FLT4: variants seen among roughly 807,000 people sequenced by gnomAD.
FLT4 encodes fms related receptor tyrosine kinase 4, also known as vascular endothelial growth factor receptor 3.
In FLT4, 30 loss-of-function variants were observed where a neutral mutation model predicts 163.2. The ratio of observed to expected loss-of-function variants is 0.18; its 90% CI spans 0.14 to 0.25. FLT4 has a LOEUF of 0.25. Ranked by LOEUF, FLT4 falls within the 10% of genes least tolerant of loss-of-function variation. The pLI, the probability that FLT4 is intolerant of heterozygous loss-of-function variation, is 1.00. For missense variants in FLT4, 1,510 were observed against 1,863.8 expected (o/e 0.81, Z 3.50); for synonymous variants, 884 against 789.5 (o/e 1.12, Z -2.01).
intron 1 of FLT4, among the ~76,000 whole-genome samples, chr5:180,634,185 TC>T (rs955755230): frequency 3.9e-5 from 6 of 152,148 alleles, no homozygotes; most frequent in African/African-American, 1.4e-4. Context: ...TCCTGGGACA[TC>T]CCTCCTTCCT....
Position 180,636,205 on chromosome 5 carries a change from T to C in FLT4, c.59-4427A>G, listed in dbSNP as rs948042523. Among the ~76,000 whole-genome samples the C allele has an allele frequency of 1.3e-5, 2 of 152,128 alleles. No individual in the cohort carries two copies. The highest frequency in any genetic ancestry group is 1.3e-4 in the Admixed American group (2 of 15,286). On this transcript the variant is annotated intron_variant, in intron 1 of 29. Transcript: ENST00000261937. The surrounding 1 kb of genome is among the most constrained non-coding windows in gnomAD (Gnocchi z 4.3). ...AGCTTTTTCATGACATGTCTCCTTT[T>C]TCATGACATACCATAACTTATTCCA...
chr5:180,625,144 T>A (rs1265931739), intron 10 of FLT4, among the ~76,000 whole-genome samples: 2 of 152,226 alleles, frequency 1.3e-5, no homozygotes. Context: ...CGCCCCAGTT[T>A]GATACTAGGA....
chr5:180,605,017 G>A (rs1561685613), intron 29 of FLT4, among the ~76,000 whole-genome samples: 1 of 152,354 alleles, frequency 6.6e-6, no homozygotes, highest in East Asian at 1.9e-4. Flanking sequence ...CTGGAGTGCA[G>A]TGGCACGATC....
chr5:180,613,513 C>T, intron 24 of FLT4: 1 of 244,468 alleles, frequency 4.1e-6, no homozygotes, highest in Non-Finnish European at 7.9e-6. Flanking sequence ...CCAACCCCTG[C>T]TGCTCCTCCC....
In FLT4 at chr5:180,618,871, G is replaced by A. The variant is rs749921612; in HGVS notation, c.2900C>T (p.Ala967Val). The change falls in exon 21 of 30, where the codon GCC becomes GTC. Residue 967 changes from alanine (A) to valine (V), a missense_variant. Around this residue, in one of 5 missense-constraint regions of FLT4, gnomAD observed 878 missense variants for 1,016.7 expected, o/e 0.86. Coordinates refer to ENST00000261937, the MANE Select transcript of FLT4 (RefSeq NM_182925.5). ...CCCCGGCCGCCTCCGATCCAGCCTG[G>A]CGAGCTCCACCATGGCGCGGAAGCG... ...RGRFRAMVELARLDRRRPGSS... is the reference protein window; with the variant it reads ...RGRFRAMVELVRLDRRRPGSS... 12 of 1,586,680 alleles carry A rather than the reference G, an allele frequency of 7.6e-6. No homozygotes were observed. The highest frequency in any genetic ancestry group is 1.8e-5 in the Admixed American group (1 of 56,326).
At chr5:180,641,740 T>C (rs1366222746) in intron 1 of FLT4, among the ~76,000 whole-genome samples, 1 of 152,214 alleles carries the variant, frequency 6.6e-6, no homozygotes, top group Non-Finnish European at 1.5e-5. Context: ...CTGCACATCC[T>C]GCAGGTCTGA....
rs1384167214 is a variant in FLT4 at position 180,620,494 on chromosome 5, C to G, written c.2406+115G>C. On this transcript the variant is annotated intron_variant, in intron 16 of 29. Transcript: ENST00000261937. The surrounding 1 kb of genome is among the most constrained non-coding windows in gnomAD (Gnocchi z 4.4). Reference sequence around the variant, plus strand: ...CAGCGTGAAGGGCAGGGAGGCTTCCCAGGAAACAAGGCTGCCAGGTGAACT... The same window carrying G: ...CAGCGTGAAGGGCAGGGAGGCTTCCGAGGAAACAAGGCTGCCAGGTGAACT... The G allele has an allele frequency of 1.7e-6, 2 of 1,198,822 alleles. No homozygotes were observed. Among genetic ancestry groups the G allele is most frequent in the African/African-American group, 1.5e-5 (1 of 66,764 alleles). 74.3% of individuals were successfully genotyped at this position (1,198,822 alleles called of 1,614,324 possible). A position where few individuals can be genotyped will look rare whatever the true frequency, so the allele number is the denominator to read the frequency against.
intron 1 of FLT4, among the ~76,000 whole-genome samples, chr5:180,632,822 G>A (rs982766272): frequency 3.9e-5 from 6 of 152,166 alleles, no homozygotes; most frequent in Non-Finnish European, 7.4e-5. Context: ...CGGTGTGGGT[G>A]GGAGCAGGCC....
At chr5:180,616,313 C>T in intron 23 of FLT4, 54 bp downstream of exon 23, 1 of 1,611,978 alleles carries the variant, frequency 6.2e-7, no homozygotes. Flanking sequence ...TCTGTGGTCC[C>T]ACCCCTTCAC....
Position 180,620,528 on chromosome 5 carries a change from C to A in FLT4, c.2406+81G>T. On this transcript the variant is annotated intron_variant, in intron 16 of 29. Transcript: ENST00000261937. This position sits in a 1 kb window ranked among gnomAD's most constrained non-coding sequence, Gnocchi z 4.4. ...AGGCTGCCAGGTGAACTAGGGCGGGCACCTTATTCTTTATCTTAGGGGCGG... is the reference window on the plus strand; with the variant it reads ...AGGCTGCCAGGTGAACTAGGGCGGGAACCTTATTCTTTATCTTAGGGGCGG... 5.6e-6 allele frequency: 7 copies of A among 1,257,766 alleles called. No homozygotes were observed. The highest frequency in any genetic ancestry group is 8.1e-6 in the Non-Finnish European group (7 of 866,340). 77.9% of individuals were successfully genotyped at this position (1,257,766 alleles called of 1,614,324 possible).
Position 180,621,986 on chromosome 5 carries a change from G to A in FLT4, c.1658-82C>T, listed in dbSNP as rs555031641. 1.9e-4 allele frequency: 242 copies of A among 1,301,194 alleles called. No homozygotes were observed. In the African/African-American group the frequency reaches 3.1e-3, roughly 16 times the overall value. The allele number at this position is 1,301,194 out of a possible 1,614,324, so 80.6% of individuals were successfully genotyped here. A position where few individuals can be genotyped will look rare whatever the true frequency, so the allele number is the denominator to read the frequency against. On this transcript the variant is annotated intron_variant, in intron 12 of 29. Coordinates refer to ENST00000261937, the MANE Select transcript of FLT4 (RefSeq NM_182925.5). ...ACCTGCCGCCCCGGGGTCTCCTCCTGCCTCCCTCCCTCCCTCTCTCCTGGA... is the reference window on the plus strand; with the variant it reads ...ACCTGCCGCCCCGGGGTCTCCTCCTACCTCCCTCCCTCCCTCTCTCCTGGA...
chr5:180,619,134 G>T, intron 19 of FLT4, 25 bp from the exon 20 acceptor site: 5 of 1,468,464 alleles, frequency 3.4e-6, no homozygotes, highest in Non-Finnish European at 4.5e-6. Flanking sequence ...GGCGGCGGCC[G>T]TGCGTTCGGA....
intron 1 of FLT4, among the ~76,000 whole-genome samples, chr5:180,642,040 C>A (rs1390682874): frequency 2.6e-5 from 4 of 152,210 alleles, no homozygotes; most frequent in East Asian, 1.9e-4. Flanking sequence ...AACCCCATCT[C>A]TACTAAAAAT....
In FLT4 at chr5:180,603,076, G is replaced by C; in HGVS notation, c.*116C>G. 1 of 993,786 alleles carries C rather than the reference G, an allele frequency of 1.0e-6. No individual in the cohort carries two copies. The highest frequency in any genetic ancestry group is 1.6e-6 in the Non-Finnish European group (1 of 638,910). The allele number at this position is 993,786 out of a possible 1,614,324, so 61.6% of individuals were successfully genotyped here. ...CTGGGAAGTCTGCAGAGAGGGAAGA[G>C]GACACTCCTGTGCCACCAGAGTTCA... On this transcript the variant is annotated 3_prime_UTR_variant, in exon 30 of 30. Transcript: ENST00000261937.
intron 29 of FLT4, chr5:180,608,285 C>G (rs1041899785): frequency 4.3e-6 from 3 of 700,836 alleles, no homozygotes; most frequent in Non-Finnish European, 7.8e-6. Flanking sequence ...CTTCAGCTAC[C>G]TAAGAGGGAA....
chr5:180,619,733 A>G lies in FLT4; in HGVS notation c.2579T>C (p.Val860Ala). The G allele has an allele frequency of 6.2e-7, 1 of 1,612,534 alleles. No individual in the cohort carries two copies. Among genetic ancestry groups the G allele is most frequent in the Non-Finnish European group, 8.5e-7 (1 of 1,179,894 alleles). The change falls in exon 18 of 30, where the codon GTG (valine) becomes GCG (alanine). Residue 860 changes from valine to alanine, a missense_variant. Physicochemically the swap from Val to Ala is moderately conservative, Grantham distance 64. This residue lies in a region of FLT4 where 878 missense variants were observed against 1,016.7 expected (regional missense o/e 0.86). Coordinates refer to ENST00000261937, the MANE Select transcript of FLT4 (RefSeq NM_182925.5). ...GTGGATGCCGAAAGCGGAGGCTTCC[A>G]CCACCTTCCCGAAGGCGCCGTAGCC... Reference protein sequence around the residue: ...VLGYGAFGKVVEASAFGIHKG... With the variant: ...VLGYGAFGKVAEASAFGIHKG...
rs765873670 is a variant in FLT4 at position 180,620,738 on chromosome 5, G to A, written c.2300-23C>T. Reference sequence around the variant, plus strand: ...AGCCTGCGTGGGCAGAAAGGGGCCGGCGTGTGTGTGTGTGTGTGTAAGAGC... The same window carrying A: ...AGCCTGCGTGGGCAGAAAGGGGCCGACGTGTGTGTGTGTGTGTGTAAGAGC... On this transcript the variant is annotated intron_variant, in intron 15 of 29. Coordinates refer to ENST00000261937, the MANE Select transcript of FLT4 (RefSeq NM_182925.5). This position sits in a 1 kb window ranked among gnomAD's most constrained non-coding sequence, Gnocchi z 4.4. 8 of 1,597,238 alleles carry A rather than the reference G, an allele frequency of 5.0e-6. No individual in the cohort carries two copies. The African/African-American group carries it at 9.5e-5, about 19-fold the overall frequency.
At chr5:180,633,992 G>A (rs1292336913) in intron 1 of FLT4, among the ~76,000 whole-genome samples, 5 of 152,126 alleles carry the variant, frequency 3.3e-5, no homozygotes, top group Admixed American at 2.0e-4. Flanking sequence ...TCCACCGTGC[G>A]GCAGCTGTCA....
intron 1 of FLT4, among the ~76,000 whole-genome samples, chr5:180,632,349 C>T (rs1764247897): frequency 6.8e-6 from 1 of 146,612 alleles, no homozygotes; most frequent in Non-Finnish European, 1.5e-5. Context: ...TCACAGGTGT[C>T]CTTTCGCTCC....
Sources: gnomAD v4.1 joint callset for allele counts (sites outside exome capture counted in the v4.1 genomes callset) on GRCh38, gnomAD v4.1.1 for gene constraint, gnomAD v4.1.1 regional missense constraint, Gnocchi (gnomAD v3.1) non-coding constraint, MANE v1.5 for transcripts, NCBI Gene and HGNC (gene_info 2026-07-23, HGNC 2026-07-21) for gene names.